RAPGEF6: variants seen among roughly 807,000 people sequenced by gnomAD.
RAPGEF6 encodes Rap guanine nucleotide exchange factor 6, also known as PDZ domain containing guanine nucleotide exchange factor (GEF) 2.
A neutral mutation model predicts 171.4 loss-of-function variants in RAPGEF6; 56 were observed. The ratio of observed to expected loss-of-function variants is 0.33; its 90% CI spans 0.26 to 0.41. RAPGEF6 has a LOEUF of 0.41. Among genes scored for constraint, RAPGEF6 ranks in the 10% least tolerant of loss-of-function variants. The probability of loss-of-function intolerance (pLI) is 1.00; values close to 1 mark genes in which losing one functional copy is unlikely to be tolerated. For missense variants in RAPGEF6, 1,674 were observed against 1,921.4 expected, an observed-to-expected ratio of 0.87 and a Z score of 2.41; for synonymous variants, 692 against 650.1, an observed-to-expected ratio of 1.06 and a Z score of -0.98.
chr5:131,606,071 A>C lies in RAPGEF6; in HGVS notation c.70-1378T>G, dbSNP rs914033334. ...AAAAAAAAGAAAAAGAAAAGAAAAG[A>C]AAAGCATCAAGCTGAGCACAGTGGC... is the stretch of plus-strand genomic sequence containing the variant. On this transcript the variant is annotated intron_variant, in intron 1 of 27. Transcript: ENST00000509018. 5.3e-5 allele frequency among the ~76,000 whole-genome samples: 8 copies of C among 151,088 alleles called. No individual in the cohort carries two copies. In the East Asian group the frequency reaches 7.7e-4, roughly 15 times the overall value.
chr5:131,461,737 A>G lies in RAPGEF6; in HGVS notation c.2832T>C (p.Cys944=). 6.2e-7 allele frequency: 1 copy of G among 1,602,958 alleles called. No individual in the cohort carries two copies. The highest frequency in any genetic ancestry group is 8.5e-7 in the Non-Finnish European group (1 of 1,171,156). Residue 944 remains cysteine, a synonymous_variant, in exon 19 of 28, where the codon TGT becomes TGC. Transcript: ENST00000509018. The part of the protein sequence containing the change: ...FIKIALHCRE[C]KNFNSMFAII... Reference sequence around the variant, plus strand: ...TTGCAAACATGGAATTGAAGTTCTTACATTCTCGACAATGAAGTGCAATTT... The same window carrying G: ...TTGCAAACATGGAATTGAAGTTCTTGCATTCTCGACAATGAAGTGCAATTT...
At chr5:131,585,650 A>AC (rs1383848875) in intron 4 of RAPGEF6, among the ~76,000 whole-genome samples, 1 of 151,920 alleles carries the variant, frequency 6.6e-6, no homozygotes, top group Admixed American at 6.6e-5. Context: ...AGATGGTGAA[A>AC]CCCCGTCTCT....
intron 4 of RAPGEF6, among the ~76,000 whole-genome samples, chr5:131,587,578 A>G (rs1763326994): frequency 6.6e-6 from 1 of 152,226 alleles, no homozygotes; most frequent in African/African-American, 2.4e-5. Flanking sequence ...TAAAAGAGCT[A>G]AAACTAGAGA....
At chr5:131,618,236 A>G (rs1222052303) in intron 1 of RAPGEF6, among the ~76,000 whole-genome samples, 2 of 152,224 alleles carry the variant, frequency 1.3e-5, no homozygotes, top group African/African-American at 4.8e-5. Context: ...CACAAAAAAT[A>G]ATCCATTACT....
chr5:131,489,204 G>GA (rs902192535), intron 15 of RAPGEF6, among the ~76,000 whole-genome samples: 3 of 152,104 alleles, frequency 2.0e-5, no homozygotes, highest in African/African-American at 4.8e-5. Flanking sequence ...CTAGCTGGGG[G>GA]AAAAAATGCC....
Position 131,446,484 on chromosome 5 carries a change from G to T in RAPGEF6, c.3420C>A (p.Thr1140=), listed in dbSNP as rs371060907. Residue 1140 remains threonine (T), a splice_region_variant and synonymous_variant, in exon 22 of 28, where the codon ACC becomes ACA. Coordinates refer to ENST00000509018, the MANE Select transcript of RAPGEF6 (RefSeq NM_016340.6). ...ACATAAATGAAAACTTGTACTCACA[G>T]GTACCATATGCAGGCTCCCACTGTA... The part of the protein sequence containing the change: ...MSLQWEPAYG[T]LTKNLSEKRS... 153 of 1,612,692 alleles carry T rather than the reference G, an allele frequency of 9.5e-5. No homozygotes were observed. The highest frequency in any genetic ancestry group is 1.3e-4 in the Non-Finnish European group (149 of 1,179,186).
chr5:131,431,799 C>A (rs992052474), intron 25 of RAPGEF6, among the ~76,000 whole-genome samples: 3 of 151,968 alleles, frequency 2.0e-5, no homozygotes, highest in African/African-American at 4.8e-5. Context: ...TTTTCTTGAA[C>A]TGATTTTAAA....
intron 12 of RAPGEF6, among the ~76,000 whole-genome samples, chr5:131,496,785 A>G (rs903931674): frequency 5.3e-5 from 8 of 152,090 alleles, no homozygotes; most frequent in Non-Finnish European, 1.0e-4. Flanking sequence ...CCTTTTGGCT[A>G]TTGTCAATAG....
intron 15 of RAPGEF6, among the ~76,000 whole-genome samples, chr5:131,489,098 A>T (rs1478495214): frequency 6.6e-6 from 1 of 152,220 alleles, no homozygotes; most frequent in Middle Eastern, 3.2e-3. Flanking sequence ...ACTTAAGTCA[A>T]TGCTTTACTC....
chr5:131,524,609 T>TGAGAGAGA lies in RAPGEF6; in HGVS notation c.496-3096_496-3089dup, dbSNP rs55956395. Reference sequence around the variant, plus strand: ...GGAGAGGGAGGGGGGAGAGAGAGATTGAGAGAGAGAGAGAGAGAGAGAGAG... The same window carrying TGAGAGAGA: ...GGAGAGGGAGGGGGGAGAGAGAGATTGAGAGAGAGAGAGAGAGAGAGAGAGAGAGAGAG... On this transcript the variant is annotated intron_variant, in intron 6 of 27. Coordinates refer to ENST00000509018, the MANE Select transcript of RAPGEF6 (RefSeq NM_016340.6). Among the ~76,000 whole-genome samples the TGAGAGAGA allele has an allele frequency of 9.8e-3, 1,323 of 134,990 alleles. 7 individuals carry two copies. The highest frequency in any genetic ancestry group is 0.023 in the Middle Eastern group (6 of 262). The allele number at this position is 134,990 out of a possible 152,430, so 88.6% of individuals were successfully genotyped here.
Position 131,428,922 on chromosome 5 carries a change from T to A in RAPGEF6, c.4760A>T (p.Asp1587Val), listed in dbSNP as rs1295511113. The change falls in exon 27 of 28, where the codon GAT becomes GTT. Residue 1587 changes from aspartate to valine, a missense_variant. Asp to Val is a radical substitution (Grantham distance 152). This residue lies in a region of RAPGEF6 where 552 missense variants were observed against 574.2 expected (regional missense o/e 0.96). Transcript: ENST00000509018. ...PFHPKLGDVTDADSEADENEQ... is the reference protein window; with the variant it reads ...PFHPKLGDVTVADSEADENEQ... Reference sequence around the variant, plus strand: ...CATACCATCTGCTTCGCTATCTGCATCAGTCACATCTCCTAGTTTAGGATG... The same window carrying A: ...CATACCATCTGCTTCGCTATCTGCAACAGTCACATCTCCTAGTTTAGGATG... 1 of 1,613,860 alleles carries A rather than the reference T, an allele frequency of 6.2e-7. No homozygotes were observed.
chr5:131,567,843 TGTCA>T (rs911001495), intron 4 of RAPGEF6, among the ~76,000 whole-genome samples: 3 of 152,254 alleles, frequency 2.0e-5, no homozygotes, highest in African/African-American at 7.2e-5. Context: ...CTTTCAATTC[TGTCA>T]GTTTTTACTT....
chr5:131,442,506 G>C lies in RAPGEF6; in HGVS notation c.3453C>G (p.Ala1151=). The C allele has an allele frequency of 6.2e-7, 1 of 1,613,906 alleles. No individual in the cohort carries two copies. The highest frequency in any genetic ancestry group is 8.5e-7 in the Non-Finnish European group (1 of 1,179,896). Residue 1151 remains alanine (A), a synonymous_variant, in exon 23 of 28, where the codon GCC becomes GCG. Transcript: ENST00000509018. ...GCACTGGAGACATTTCAGATGATTT[G>C]GCTGATCTTTTCTCACTTAAATTCT... ...LTKNLSEKRS[A]KSSEMSPVPM...
intron 7 of RAPGEF6, among the ~76,000 whole-genome samples, chr5:131,518,798 T>G (rs1020773883): frequency 2.6e-5 from 4 of 152,176 alleles, no homozygotes; most frequent in Non-Finnish European, 5.9e-5. Context: ...TTCTTTAAAT[T>G]TCTTCATTCC....
At chr5:131,592,213 A>G (rs1174963112) in intron 4 of RAPGEF6, among the ~76,000 whole-genome samples, 170 bp downstream of exon 4, 6 of 152,000 alleles carry the variant, frequency 3.9e-5, no homozygotes, top group Non-Finnish European at 4.4e-5. Context: ...AAGCTTACAG[A>G]TTATACCCTC....
chr5:131,518,816 G>A (rs1337516631), intron 7 of RAPGEF6, among the ~76,000 whole-genome samples: 3 of 151,596 alleles, frequency 2.0e-5, no homozygotes, highest in Non-Finnish European at 4.4e-5. Flanking sequence ...TCCTATTTTG[G>A]TTCTAGAGTT....
intron 21 of RAPGEF6, 109 bp downstream of exon 21, chr5:131,452,945 T>C: frequency 1.5e-6 from 2 of 1,372,384 alleles, no homozygotes; most frequent in Non-Finnish European, 9.6e-7. Context: ...ATAAAGCACT[T>C]TGTACAGCAC....
intron 4 of RAPGEF6, among the ~76,000 whole-genome samples, chr5:131,563,268 A>G (rs2149969338): frequency 6.6e-6 from 1 of 152,274 alleles, no homozygotes; most frequent in South Asian, 2.1e-4. Context: ...TTCAAACAAA[A>G]CAAAATACCA....
At chr5:131,535,890 A>G (rs1226979122) in intron 6 of RAPGEF6, among the ~76,000 whole-genome samples, 1 of 152,170 alleles carries the variant, frequency 6.6e-6, no homozygotes, top group Non-Finnish European at 1.5e-5. Flanking sequence ...AAAGGTTACC[A>G]TAGATGAAGG....
Sources: allele counts gnomAD v4.1 joint callset (sites outside exome capture counted in the v4.1 genomes callset), GRCh38; gene constraint gnomAD v4.1.1; regional missense constraint gnomAD v4.1.1; transcripts MANE v1.5; gene names NCBI Gene and HGNC (gene_info 2026-07-23, HGNC 2026-07-21).